The following TMED3 variants were observed in gnomAD, a reference collection of about 807,000 sequenced individuals.
TMED3 encodes the protein transmembrane p24 trafficking protein 3.
A neutral mutation model predicts 15.0 loss-of-function variants in TMED3; 9 were observed. That is an observed-to-expected ratio of 0.60 (90% confidence interval 0.36 to 1.04). The LOEUF is 1.04. Ranked by LOEUF, TMED3 falls within the 50% of genes least tolerant of loss-of-function variation. The pLI is 0.01. For synonymous variants in TMED3, 117 were observed against 121.4 expected (o/e 0.96, Z 0.24); for missense variants, 267 against 278.9 (o/e 0.96, Z 0.30).
At chr15:79,375,462 G>A (rs1893407604) in intron 2 of TMED3, among the ~76,000 whole-genome samples, 1 of 152,102 alleles carries the variant, frequency 6.6e-6, no homozygotes, top group South Asian at 2.1e-4. Flanking sequence ...TTGCTATAAA[G>A]AAATACCTGA....
chr15:79,317,976 T>C (rs1192706723), intron 2 of TMED3, among the ~76,000 whole-genome samples: 1 of 152,232 alleles, frequency 6.6e-6, no homozygotes, highest in Non-Finnish European at 1.5e-5. Context: ...GATAAAGTCT[T>C]GGACCTCGAG....
chr15:79,319,084 G>T (rs1417812566), intron 2 of TMED3, among the ~76,000 whole-genome samples: 1 of 152,164 alleles, frequency 6.6e-6, no homozygotes, highest in African/African-American at 2.4e-5. Flanking sequence ...CAGGACAGAG[G>T]TACTCATGGG....
chr15:79,411,741 G>A, exon 3 of TMED3: 2 of 472,074 alleles, frequency 4.2e-6, no homozygotes. Context: ...AGCTGGCAGG[G>A]AGAGTTGCTT....
chr15:79,380,404 A>ATATATATATAGT (rs71150906), intron 2 of TMED3, among the ~76,000 whole-genome samples: 15,674 of 145,252 alleles, frequency 0.11, 942 homozygotes, highest in Admixed American at 0.13. Flanking sequence ...AGAGTCTCAA[A>ATATATATATAGT]TATATATATA....
At chr15:79,350,271 T>C (rs1475279876) in intron 2 of TMED3, among the ~76,000 whole-genome samples, 2 of 152,166 alleles carry the variant, frequency 1.3e-5, no homozygotes, top group Non-Finnish European at 2.9e-5. Flanking sequence ...GATATATGTA[T>C]ATATGAAAGC....
intron 2 of TMED3, among the ~76,000 whole-genome samples, chr15:79,396,081 T>C (rs1893760409): frequency 6.6e-6 from 1 of 152,224 alleles, no homozygotes. Context: ...AACATCTTTT[T>C]TATTGCTTCA....
chr15:79,320,266 T>G (rs1278543859), intron 2 of TMED3, among the ~76,000 whole-genome samples: 1 of 152,092 alleles, frequency 6.6e-6, no homozygotes, highest in African/African-American at 2.4e-5. Context: ...TCCCCTCAGC[T>G]CCTATCTCTG....
intron 2 of TMED3, among the ~76,000 whole-genome samples, chr15:79,353,734 T>C (rs542922742): frequency 2.6e-5 from 4 of 151,972 alleles, no homozygotes; most frequent in Admixed American, 6.6e-5. Flanking sequence ...TTTCCACTGT[T>C]TTAAAAAATG....
intron 2 of TMED3, among the ~76,000 whole-genome samples, chr15:79,385,368 C>T (rs956609073): frequency 1.3e-5 from 2 of 152,212 alleles, no homozygotes; most frequent in Non-Finnish European, 2.9e-5. Flanking sequence ...CTGTGGGTCC[C>T]ACTTCCACAG....
chr15:79,412,356 C>G (rs1274980474), exon 3 of TMED3: 4 of 152,488 alleles, frequency 2.6e-5, no homozygotes, highest in African/African-American at 9.7e-5. Context: ...ACCATGCCAT[C>G]ATTGCAGTCA....
chr15:79,314,896 A>T (rs111882830), intron 2 of TMED3, among the ~76,000 whole-genome samples: 23 of 152,204 alleles, frequency 1.5e-4, no homozygotes, highest in African/African-American at 5.5e-4. Flanking sequence ...GAGGGCTAGG[A>T]CCCTGAATGA....
intron 2 of TMED3, among the ~76,000 whole-genome samples, chr15:79,406,715 T>C (rs1893907840): frequency 6.6e-6 from 1 of 152,186 alleles, no homozygotes; most frequent in Non-Finnish European, 1.5e-5. Flanking sequence ...AGAACTCCAC[T>C]TTTTCTGTTT....
chr15:79,387,994 G>C (rs1014758147), intron 2 of TMED3, among the ~76,000 whole-genome samples: 1 of 151,768 alleles, frequency 6.6e-6, no homozygotes, highest in Admixed American at 6.6e-5. Flanking sequence ...ATTCACCTAC[G>C]GTACTTCTGG....
intron 2 of TMED3, among the ~76,000 whole-genome samples, chr15:79,332,478 C>T (rs887778042): frequency 6.6e-6 from 1 of 152,220 alleles, no homozygotes; most frequent in African/African-American, 2.4e-5. Flanking sequence ...TATTATTTTA[C>T]CAGAATCTTC....
intron 2 of TMED3, among the ~76,000 whole-genome samples, chr15:79,359,337 A>G (rs952944979): frequency 1.4e-5 from 2 of 147,012 alleles, no homozygotes; most frequent in Admixed American, 7.0e-5. Context: ...GGTTCAAGCC[A>G]TTCTCCTGCC....
At chr15:79,344,585 C>T (rs996767419) in intron 2 of TMED3, among the ~76,000 whole-genome samples, 3 of 152,198 alleles carry the variant, frequency 2.0e-5, no homozygotes, top group Non-Finnish European at 4.4e-5. Flanking sequence ...TTAGGGTCCT[C>T]TAATGCAGGA....
chr15:79,403,303 T>C (rs1233283728), intron 2 of TMED3, among the ~76,000 whole-genome samples: 1 of 148,274 alleles, frequency 6.7e-6, no homozygotes, highest in African/African-American at 2.5e-5. Context: ...CTTGCTGCTA[T>C]AACTGGGCCT....
In TMED3 at chr15:79,322,254, G is replaced by A. The variant is rs2058771167; in HGVS notation, c.*40G>A. ...TCTAGGGCCCCTCATGCCCCAGGCTGGAGCAGCTCTCCTAGGTCACAGCCT... is the reference window on the plus strand; with the variant it reads ...TCTAGGGCCCCTCATGCCCCAGGCTAGAGCAGCTCTCCTAGGTCACAGCCT... On this transcript the variant is annotated 3_prime_UTR_variant, in exon 3 of 3. Coordinates refer to ENST00000299705, the MANE Select transcript of TMED3 (RefSeq NM_007364.4). 3.2e-6 allele frequency: 5 copies of A among 1,586,842 alleles called. No individual in the cohort carries two copies. Among genetic ancestry groups the A allele is most frequent in the Non-Finnish European group, 4.3e-6 (5 of 1,165,070 alleles).
At chr15:79,353,254 AATATATATT>A (rs1217457898) in intron 2 of TMED3, among the ~76,000 whole-genome samples, 64 of 40,018 alleles carry the variant, frequency 1.6e-3, no homozygotes, top group Non-Finnish European at 2.2e-3. Flanking sequence ...TACTATATAT[AATATATATT>A]ATATATAATA....
Sources: allele counts gnomAD v4.1 joint callset (sites outside exome capture counted in the v4.1 genomes callset), GRCh38; gene constraint gnomAD v4.1.1; transcripts MANE v1.5; gene names NCBI Gene and HGNC (gene_info 2026-07-23, HGNC 2026-07-21).